CADM2: variants seen among roughly 807,000 people sequenced by gnomAD.
CADM2 encodes the protein cell adhesion molecule 2, also known as immunoglobulin superfamily member 4D.
Under a neutral mutation model 49.8 loss-of-function variants are expected in CADM2, and 12 were observed. The ratio of observed to expected loss-of-function variants is 0.24; its 90% CI spans 0.15 to 0.39. The LOEUF (loss-of-function observed/expected upper bound fraction) is 0.39. Among genes scored for constraint, CADM2 ranks in the 10% least tolerant of loss-of-function variants. The pLI is 1.00. For missense variants in CADM2, 378 were observed against 492.3 expected (o/e 0.77, Z 2.20); for synonymous variants, 214 against 175.4 (o/e 1.22, Z -1.74).
At chr3:85,256,305 A>G (rs747429614) in intron 1 of CADM2, among the ~76,000 whole-genome samples, 4 of 151,996 alleles carry the variant, frequency 2.6e-5, no homozygotes, top group African/African-American at 7.2e-5. Flanking sequence ...CCCAACAAGG[A>G]TGTGTCATTT....
chr3:85,593,455 C>A (rs1046022221), intron 1 of CADM2, among the ~76,000 whole-genome samples: 3 of 151,904 alleles, frequency 2.0e-5, no homozygotes, highest in African/African-American at 7.2e-5. Context: ...GTACAGCAAC[C>A]ATTGCAAAAT....
intron 3 of CADM2, among the ~76,000 whole-genome samples, chr3:85,877,600 CACTT>C (rs934162458): frequency 6.6e-6 from 1 of 150,950 alleles, no homozygotes; most frequent in Admixed American, 6.6e-5. Context: ...AGTGAACTGT[CACTT>C]ACTTAAAAAA....
At chr3:85,091,869 T>C (rs1472002907) in intron 1 of CADM2, among the ~76,000 whole-genome samples, 1 of 152,150 alleles carries the variant, frequency 6.6e-6, no homozygotes, top group Non-Finnish European at 1.5e-5. Flanking sequence ...GAGTCACATA[T>C]AATAAGTATG....
chr3:85,311,027 G>A (rs2044330519), intron 1 of CADM2, among the ~76,000 whole-genome samples: 2 of 152,144 alleles, frequency 1.3e-5, no homozygotes, highest in Non-Finnish European at 2.9e-5. Context: ...CAGACATCAG[G>A]CAGAGCTGTC....
At chr3:85,642,659 A>G (rs1207698151) in intron 1 of CADM2, among the ~76,000 whole-genome samples, 1 of 152,134 alleles carries the variant, frequency 6.6e-6, no homozygotes, top group Non-Finnish European at 1.5e-5. Context: ...AAACTTTTAT[A>G]TAGCTTTACC....
chr3:85,442,659 A>T (rs2037266935), intron 1 of CADM2, among the ~76,000 whole-genome samples: 1 of 145,206 alleles, frequency 6.9e-6, no homozygotes, highest in East Asian at 2.0e-4. Context: ...CTAAGAGGCC[A>T]GATTTCAGAG....
chr3:85,632,276 T>G (rs2064336971), intron 1 of CADM2, among the ~76,000 whole-genome samples: 1 of 152,134 alleles, frequency 6.6e-6, no homozygotes, highest in Admixed American at 6.6e-5. Context: ...CCTCCTTGCC[T>G]TCTGCCATGA....
chr3:85,777,142 G>C (rs1436326443), intron 2 of CADM2, among the ~76,000 whole-genome samples: 1 of 151,426 alleles, frequency 6.6e-6, no homozygotes, highest in African/African-American at 2.4e-5. Context: ...TTTTCATTTT[G>C]TATTTCAGCA....
intron 1 of CADM2, among the ~76,000 whole-genome samples, chr3:85,075,521 T>A (rs2036911674): frequency 6.6e-6 from 1 of 152,150 alleles, no homozygotes; most frequent in East Asian, 1.9e-4. Flanking sequence ...CCAGAAAATG[T>A]AAAGAAAAAC....
chr3:85,381,498 G>T (rs985290614), intron 1 of CADM2, among the ~76,000 whole-genome samples: 1 of 146,586 alleles, frequency 6.8e-6, no homozygotes, highest in Non-Finnish European at 1.5e-5. Context: ...TATATATAAA[G>T]AATATATATA....
intron 1 of CADM2, among the ~76,000 whole-genome samples, chr3:85,236,409 CCTT>C (rs2042408898): frequency 6.6e-6 from 1 of 151,998 alleles, no homozygotes; most frequent in South Asian, 2.1e-4. Context: ...TTGAGATAAA[CCTT>C]CTTTGCTAGA....
chr3:85,917,352 T>C (rs987544300), intron 6 of CADM2, among the ~76,000 whole-genome samples: 2 of 152,184 alleles, frequency 1.3e-5, no homozygotes, highest in Non-Finnish European at 2.9e-5. Flanking sequence ...GTATAAGGTG[T>C]AAGGAATGGA....
At chr3:85,855,368 A>G (rs73847407) in intron 3 of CADM2, among the ~76,000 whole-genome samples, 7,644 of 151,982 alleles carry the variant, frequency 0.05, 549 homozygotes, top group African/African-American at 0.15. Context: ...GCATGTCATT[A>G]CACACTCATG....
intron 1 of CADM2, among the ~76,000 whole-genome samples, chr3:85,227,876 A>G (rs899665486): frequency 6.6e-6 from 1 of 152,090 alleles, no homozygotes; most frequent in African/African-American, 2.4e-5. Context: ...AAAGGATTTT[A>G]TTTCTCCTTC....
chr3:85,921,844 T>A (rs1006128289), intron 6 of CADM2, among the ~76,000 whole-genome samples: 1 of 152,066 alleles, frequency 6.6e-6, no homozygotes, highest in Non-Finnish European at 1.5e-5. Flanking sequence ...CTCACTTTAC[T>A]TCTCCCACAA....
intron 1 of CADM2, among the ~76,000 whole-genome samples, chr3:85,228,085 T>A (rs959922253): frequency 6.6e-6 from 1 of 152,186 alleles, no homozygotes; most frequent in African/African-American, 2.4e-5. Context: ...CCTTGGTGAA[T>A]CTGATGATTA....
At chr3:85,992,688 G>C (rs574037885) in intron 8 of CADM2, 1 of 152,066 alleles carries the variant, frequency 6.6e-6, no homozygotes, top group South Asian at 2.1e-4. Flanking sequence ...AACAATGTAC[G>C]TACCTTAATT....
chr3:85,442,614 A>G (rs530949414), intron 1 of CADM2, among the ~76,000 whole-genome samples: 2 of 48,682 alleles, frequency 4.1e-5, no homozygotes, highest in East Asian at 8.0e-4. Flanking sequence ...ATATATATAT[A>G]TATATATATA....
intron 1 of CADM2, among the ~76,000 whole-genome samples, chr3:85,144,837 A>C (rs183910007): frequency 3.5e-4 from 54 of 152,302 alleles, no homozygotes; most frequent in Admixed American, 3.2e-3. Context: ...AGATAGATAA[A>C]TATAATCACA....
Sources: allele counts gnomAD v4.1 joint callset (sites outside exome capture counted in the v4.1 genomes callset), GRCh38; gene constraint gnomAD v4.1.1; transcripts MANE v1.5; gene names NCBI Gene and HGNC (gene_info 2026-07-23, HGNC 2026-07-21).